Variants in SDHC observed in about 807,000 individuals in gnomAD.
SDHC encodes succinate dehydrogenase complex subunit C.
SDHC carries 11 observed loss-of-function variants against 22.6 expected under a neutral mutation model. The ratio of observed to expected loss-of-function variants is 0.49; its 90% CI spans 0.31 to 0.81. The LOEUF is 0.81. SDHC is among the 30% of genes least tolerant of loss of function. The pLI is 0.05. For synonymous variants in SDHC, 80 were observed against 77.8 expected, an observed-to-expected ratio of 1.03 and a Z score of -0.15; for missense variants, 160 against 212.0, an observed-to-expected ratio of 0.75 and a Z score of 1.52.
At chr1:161,323,263 G>A (rs1286519564) in intron 1 of SDHC, among the ~76,000 whole-genome samples, 1 of 152,056 alleles carries the variant, frequency 6.6e-6, no homozygotes, top group Non-Finnish European at 1.5e-5. Flanking sequence ...CTCCCAAAGT[G>A]CTGGGATTAC....
chr1:161,361,882 C>T (rs1156772272), intron 5 of SDHC, among the ~76,000 whole-genome samples: 1 of 146,570 alleles, frequency 6.8e-6, no homozygotes, highest in African/African-American at 2.5e-5. Context: ...GAAAGTCTTG[C>T]AGTTAAATGT....
chr1:161,339,667 T>TTTTTTTTTTTTTTTTG (rs1671643593), intron 3 of SDHC: 1 of 236,388 alleles, frequency 4.2e-6, no homozygotes, highest in Non-Finnish European at 6.7e-6. Flanking sequence ...CAGGTGTTTT[T>TTTTTTTTTTTTTTTTG]TTTTTTTTTT....
At chr1:161,332,804 G>A (rs1671329040) in intron 3 of SDHC, among the ~76,000 whole-genome samples, 1 of 151,776 alleles carries the variant, frequency 6.6e-6, no homozygotes, top group Non-Finnish European at 1.5e-5. Context: ...ACTAATTTTT[G>A]TGTTTTTAGT....
chr1:161,329,153 G>A (rs964484257), intron 3 of SDHC, among the ~76,000 whole-genome samples: 16 of 152,018 alleles, frequency 1.1e-4, no homozygotes, highest in African/African-American at 2.9e-4. Context: ...TGATCCGCCC[G>A]CCTCGGCCTC....
At chr1:161,352,478 A>T (rs1672129079) in intron 4 of SDHC, among the ~76,000 whole-genome samples, 1 of 152,174 alleles carries the variant, frequency 6.6e-6, no homozygotes, top group Non-Finnish European at 1.5e-5. Flanking sequence ...TATTATACAA[A>T]TGTATACTTA....
intron 4 of SDHC, among the ~76,000 whole-genome samples, chr1:161,352,325 T>G (rs1216554908): frequency 6.6e-6 from 1 of 152,176 alleles, no homozygotes; most frequent in Non-Finnish European, 1.5e-5. Context: ...TGAAAATTAG[T>G]GAGGCAGCCA....
intron 4 of SDHC, among the ~76,000 whole-genome samples, chr1:161,350,844 C>G (rs1398834281): frequency 2.0e-5 from 3 of 152,134 alleles, no homozygotes; most frequent in African/African-American, 4.8e-5. Flanking sequence ...CACCACTAGT[C>G]TATATGGCCT....
intron 4 of SDHC, among the ~76,000 whole-genome samples, chr1:161,343,453 C>T (rs1463438120): frequency 6.6e-6 from 1 of 151,990 alleles, no homozygotes; most frequent in Admixed American, 6.6e-5. Flanking sequence ...AGATCTGATG[C>T]CGTCATTTTT....
chr1:161,354,663 TTGTGTGTGTGTG>T (rs60151629), intron 4 of SDHC, among the ~76,000 whole-genome samples: 3,961 of 116,608 alleles, frequency 0.034, 180 homozygotes, highest in African/African-American at 0.1. Flanking sequence ...TCTTATTTCT[TTGTGTGTGTGTG>T]TGTGTGTGTG....
chr1:161,322,875 T>C (rs1453529797), intron 1 of SDHC, among the ~76,000 whole-genome samples: 1 of 152,120 alleles, frequency 6.6e-6, no homozygotes, highest in Non-Finnish European at 1.5e-5. Context: ...CCTTTTAAAT[T>C]CATCCGTTTG....
intron 1 of SDHC, among the ~76,000 whole-genome samples, chr1:161,320,533 TAAC>T (rs1670800697): frequency 6.6e-6 from 1 of 152,186 alleles, no homozygotes; most frequent in Non-Finnish European, 1.5e-5. Flanking sequence ...TGGCTTTGAA[TAAC>T]TTTTTTTTTC....
intron 4 of SDHC, among the ~76,000 whole-genome samples, chr1:161,341,205 AT>A (rs2102337575): frequency 6.6e-6 from 1 of 152,314 alleles, no homozygotes; most frequent in Admixed American, 6.5e-5. Flanking sequence ...GTTTATTGAA[AT>A]TATAGAGAGC....
At chr1:161,317,520 G>A (rs1670662878) in intron 1 of SDHC, among the ~76,000 whole-genome samples, 1 of 139,720 alleles carries the variant, frequency 7.2e-6, no homozygotes, top group African/African-American at 2.7e-5. Context: ...AGTATGCAAT[G>A]CCTTGGTTTT....
At chr1:161,339,789 T>C (rs1348507225) in intron 3 of SDHC, among the ~76,000 whole-genome samples, 1 of 149,694 alleles carries the variant, frequency 6.7e-6, no homozygotes, top group Non-Finnish European at 1.5e-5. Flanking sequence ...CAAGCAATTT[T>C]CCTGCCTCAG....
chr1:161,324,174 A>G (rs1379558460), intron 2 of SDHC, among the ~76,000 whole-genome samples: 4 of 152,148 alleles, frequency 2.6e-5, no homozygotes, highest in East Asian at 1.9e-4. Flanking sequence ...CTCTCACTCT[A>G]TTGCCCAGGC....
intron 3 of SDHC, among the ~76,000 whole-genome samples, chr1:161,331,217 T>G (rs1014037311): frequency 6.6e-6 from 1 of 152,090 alleles, no homozygotes; most frequent in Non-Finnish European, 1.5e-5. Flanking sequence ...TTCTCAGGTA[T>G]TAACATAAGG....
intron 5 of SDHC, among the ~76,000 whole-genome samples, chr1:161,360,710 C>A (rs374869162): frequency 6.2e-4 from 94 of 151,676 alleles, no homozygotes; most frequent in African/African-American, 2.2e-3. Flanking sequence ...TAACAAGAGT[C>A]TATCTCTATT....
At chr1:161,318,736 G>A (rs992473314) in intron 1 of SDHC, among the ~76,000 whole-genome samples, 8 of 151,620 alleles carry the variant, frequency 5.3e-5, no homozygotes, top group Non-Finnish European at 1.2e-4. Flanking sequence ...CATTATTATA[G>A]GTACTGTGGA....
At chr1:161,353,129 G>A (rs546778264) in intron 4 of SDHC, among the ~76,000 whole-genome samples, 2 of 152,284 alleles carry the variant, frequency 1.3e-5, no homozygotes, top group East Asian at 3.9e-4. Flanking sequence ...GAAAACAAAA[G>A]CTGAAGACAC....
Sources: gnomAD v4.1 joint callset for allele counts (sites outside exome capture counted in the v4.1 genomes callset) on GRCh38, gnomAD v4.1.1 for gene constraint, MANE v1.5 for transcripts, NCBI Gene and HGNC (gene_info 2026-07-23, HGNC 2026-07-21) for gene names.